Variants in GNG7 observed in about 807,000 individuals in gnomAD.
GNG7 encodes guanine nucleotide-binding protein G(I)/G(S)/G(O) subunit gamma-7.
In GNG7, 1 loss-of-function variant was observed where a neutral mutation model predicts 4.0. The ratio of observed to expected loss-of-function variants is 0.25; its 90% CI spans 0.09 to 1.18. GNG7 has a LOEUF of 1.18. Among genes scored for constraint, GNG7 ranks in the 50% most tolerant of loss-of-function variants. GNG7 has a pLI of 0.50. For synonymous variants in GNG7, 34 were observed against 36.9 expected (o/e 0.92, Z 0.29); for missense variants, 86 against 91.9 (o/e 0.94, Z 0.26).
intron 3 of GNG7, among the ~76,000 whole-genome samples, chr19:2,532,714 G>A (rs1978633770): frequency 6.6e-6 from 1 of 152,206 alleles, no homozygotes; most frequent in Admixed American, 6.6e-5. Context: ...GATTAGTCAT[G>A]AAGGAAATAT....
intron 4 of GNG7, among the ~76,000 whole-genome samples, chr19:2,520,119 T>A (rs1393097091): frequency 6.6e-6 from 1 of 152,178 alleles, no homozygotes; most frequent in African/African-American, 2.4e-5. Flanking sequence ...AGGCAGAGGT[T>A]GCAGTGAGCC....
chr19:2,599,081 T>G (rs1981121816), intron 2 of GNG7, among the ~76,000 whole-genome samples: 1 of 152,182 alleles, frequency 6.6e-6, no homozygotes, highest in Non-Finnish European at 1.5e-5. Context: ...AAAAAGCCAA[T>G]GTCACCGGGC....
At chr19:2,630,064 G>A (rs1020386405) in intron 2 of GNG7, among the ~76,000 whole-genome samples, 1 of 151,810 alleles carries the variant, frequency 6.6e-6, no homozygotes, top group Non-Finnish European at 1.5e-5. Flanking sequence ...GGTGTAACTG[G>A]GACACAGCCT....
intron 2 of GNG7, among the ~76,000 whole-genome samples, chr19:2,569,263 TTCTCTCTC>T (rs60299972): frequency 1.3e-5 from 2 of 150,968 alleles, no homozygotes; most frequent in Non-Finnish European, 3.0e-5. Context: ...ATCATCTCCA[TTCTCTCTC>T]TCTCTCTCTT....
At chr19:2,565,925 G>C (rs1979893834) in intron 2 of GNG7, among the ~76,000 whole-genome samples, 1 of 152,108 alleles carries the variant, frequency 6.6e-6, no homozygotes, top group Non-Finnish European at 1.5e-5. Flanking sequence ...CGGGAGGCCA[G>C]GGCAGGCGGA....
intron 3 of GNG7, among the ~76,000 whole-genome samples, chr19:2,521,951 T>C (rs1292091716): frequency 6.6e-6 from 1 of 152,098 alleles, no homozygotes; most frequent in African/African-American, 2.4e-5. Context: ...GCCCATGCTG[T>C]TGCTTCTTGA....
intron 3 of GNG7, among the ~76,000 whole-genome samples, chr19:2,539,049 G>A (rs1407616519): frequency 1.3e-5 from 2 of 152,100 alleles, no homozygotes; most frequent in East Asian, 3.9e-4. Flanking sequence ...GGGATTACAG[G>A]CGTGAGCCAC....
At chr19:2,598,549 C>T (rs955887673) in intron 2 of GNG7, among the ~76,000 whole-genome samples, 20 of 151,634 alleles carry the variant, frequency 1.3e-4, no homozygotes, top group African/African-American at 4.8e-4. Context: ...CCCAGCTACT[C>T]GGGAGGCTGA....
Position 2,554,559 on chromosome 19 carries a change from ATT to A in GNG7, c.-38+588_-38+589del, listed in dbSNP as rs34740203. Among the ~76,000 whole-genome samples, 997 of 130,118 alleles carry A rather than the reference ATT, an allele frequency of 7.7e-3. 11 individuals carry two copies. The highest frequency in any genetic ancestry group is 0.024 in the African/African-American group (866 of 35,724). The allele number at this position is 130,118 out of a possible 152,430, so 85.4% of individuals were successfully genotyped here. On this transcript the variant is annotated intron_variant, in intron 3 of 4. Transcript: ENST00000382159. ...ATATATATGCTATATATATATATAT[ATT>A]TTTTTTTTTTTGAGACAGAGTCTCA... is the stretch of plus-strand genomic sequence containing the variant.
chr19:2,616,301 A>G (rs527264115), intron 2 of GNG7, among the ~76,000 whole-genome samples: 4 of 152,048 alleles, frequency 2.6e-5, no homozygotes, highest in African/African-American at 9.6e-5. Flanking sequence ...CTGGAGTGCA[A>G]TGGCACGATC....
In GNG7 at chr19:2,575,827, G is replaced by A. The variant is rs1273034049; in HGVS notation, c.-77-20639C>T. ...GACATGCAGACACACGCAGGCACAC[G>A]CAGACAGGCAGGCACACGCAGACAC... On this transcript the variant is annotated intron_variant, in intron 2 of 4. Transcript: ENST00000382159. Among the ~76,000 whole-genome samples the A allele has an allele frequency of 3.9e-4, 41 of 104,900 alleles. 1 individual carries two copies. The South Asian group carries it at 0.013, about 33-fold the overall frequency. The allele number at this position is 104,900 out of a possible 152,430, so 68.8% of individuals were successfully genotyped here. A position where few individuals can be genotyped will look rare whatever the true frequency, so the allele number is the denominator to read the frequency against.
At chr19:2,548,856 A>C (rs184618485) in intron 3 of GNG7, among the ~76,000 whole-genome samples, 1 of 152,120 alleles carries the variant, frequency 6.6e-6, no homozygotes, top group Admixed American at 6.5e-5. Context: ...ATCTGACCCT[A>C]ATGTCAGAGA....
chr19:2,612,769 C>T (rs989835334), intron 2 of GNG7, among the ~76,000 whole-genome samples: 1 of 144,844 alleles, frequency 6.9e-6, no homozygotes, highest in Non-Finnish European at 1.5e-5. Context: ...TCTCGGCTCG[C>T]TGCAACTTCC....
chr19:2,670,373 C>T (rs1403035146), intron 1 of GNG7, among the ~76,000 whole-genome samples: 3 of 152,202 alleles, frequency 2.0e-5, no homozygotes, highest in Admixed American at 1.3e-4. Flanking sequence ...CGTGCTGTCA[C>T]CTCGACCCCG....
At chr19:2,576,090 CAG>C (rs1355888978) in intron 2 of GNG7, among the ~76,000 whole-genome samples, 1 of 75,142 alleles carries the variant, frequency 1.3e-5, no homozygotes, top group African/African-American at 1.6e-4. Context: ...GACACACACA[CAG>C]ACACACACAG....
intron 1 of GNG7, among the ~76,000 whole-genome samples, chr19:2,665,361 TGGGGG>T (rs145443709): frequency 3.0e-5 from 4 of 132,782 alleles, no homozygotes; most frequent in Admixed American, 7.4e-5. Context: ...CAGTGTCCCC[TGGGGG>T]GGGGGGGGCA....
At chr19:2,569,522 G>A (rs563924097) in intron 2 of GNG7, among the ~76,000 whole-genome samples, 16 of 152,240 alleles carry the variant, frequency 1.1e-4, no homozygotes, top group African/African-American at 3.6e-4. Flanking sequence ...GGATCCACCC[G>A]CCTCGGCCTC....
At chr19:2,621,232 C>T (rs997470817) in intron 2 of GNG7, among the ~76,000 whole-genome samples, 3 of 152,146 alleles carry the variant, frequency 2.0e-5, no homozygotes, top group Admixed American at 1.3e-4. Context: ...TTGCTTAAAA[C>T]TTATGTTGAA....
intron 2 of GNG7, among the ~76,000 whole-genome samples, chr19:2,638,131 G>A (rs911477071): frequency 3.3e-5 from 5 of 152,076 alleles, no homozygotes; most frequent in Non-Finnish European, 1.5e-5. Flanking sequence ...TTGGGAGGCC[G>A]AGGCAGGTGG....
Sources: gnomAD v4.1 joint callset for allele counts (sites outside exome capture counted in the v4.1 genomes callset) on GRCh38, gnomAD v4.1.1 for gene constraint, MANE v1.5 for transcripts, NCBI Gene and HGNC (gene_info 2026-07-23, HGNC 2026-07-21) for gene names.